The following ARSF variants were observed in gnomAD, a reference collection of about 807,000 sequenced individuals.
ARSF encodes arylsulfatase F.
In ARSF, 33 loss-of-function variants were observed where a neutral mutation model predicts 35.4. The ratio of observed to expected loss-of-function variants is 0.93; its 90% confidence interval spans 0.71 to 1.25. ARSF has a LOEUF of 1.25. Ranked by LOEUF, ARSF falls within the 50% of genes most tolerant of loss-of-function variation. ARSF has a pLI of 0.00. For synonymous variants in ARSF, 222 were observed against 193.1 expected (o/e 1.15, Z -1.24); for missense variants, 501 against 480.2 (o/e 1.04, Z -0.40).
chrX:3,069,474 C>T (rs2090087911), intron 2 of ARSF, among the ~76,000 whole-genome samples: 1 of 108,700 alleles, frequency 9.2e-6, no homozygotes, highest in Admixed American at 1.0e-4. Flanking sequence ...CAGGCATGCA[C>T]CACCACACCC....
upstream of ARSF, among the ~76,000 whole-genome samples, chrX:3,040,656 C>A (rs1292341178): frequency 9.0e-6 from 1 of 110,952 alleles, no homozygotes; most frequent in East Asian, 2.8e-4. Flanking sequence ...CCAAAAACCA[C>A]CCCTGGGTGG....
intron 5 of ARSF, among the ~76,000 whole-genome samples, chrX:3,083,608 A>G (rs1279130879): frequency 7.3e-5 from 8 of 109,767 alleles, no homozygotes; most frequent in Admixed American, 2.0e-4. Flanking sequence ...ATTATCTATC[A>G]TCTATCTTTC....
At chrX:3,103,688 C>G in intron 8 of ARSF, 74 bp from the exon 9 acceptor site, 2 of 1,131,190 alleles carry the variant, frequency 1.8e-6, no homozygotes, top group Non-Finnish European at 2.4e-6. Context: ...TACTAGCTTA[C>G]CTTTTAAATA....
intron 5 of ARSF, 90 bp from the exon 6 acceptor site, chrX:3,084,153 T>A: frequency 9.8e-7 from 1 of 1,021,481 alleles, no homozygotes; most frequent in Non-Finnish European, 1.3e-6. Context: ...AGCTGATTGT[T>A]TCACGTGAAG....
chrX:3,057,647 T>C (rs1158861741), intron 1 of ARSF, among the ~76,000 whole-genome samples: 1 of 112,033 alleles, frequency 8.9e-6, no homozygotes, highest in Admixed American at 9.5e-5. Context: ...ACAATTTCAC[T>C]TTATTTCCTA....
chrX:3,076,585 C>G lies in ARSF; in HGVS notation c.199C>G (p.Arg67Gly). 2.5e-6 allele frequency: 3 copies of G among 1,209,708 alleles called. No homozygotes were observed. Among genetic ancestry groups the G allele is most frequent in the Non-Finnish European group, 3.4e-6 (3 of 894,692 alleles). ...HIDRLAREGV[R>G]LTQHISAASL... ...CGACCGCCTTGCCAGGGAAGGCGTG[C>G]GACTGACTCAGCACATCTCTGCCGC... Residue 67 changes from arginine to glycine, a missense_variant, in exon 4 of 11, where the codon CGA (arginine) becomes GGA (glycine). Physicochemically the swap from Arg to Gly is moderately radical, Grantham distance 125. Transcript: ENST00000381127.
At chrX:3,082,861 A>G (rs1229343906) in intron 5 of ARSF, among the ~76,000 whole-genome samples, 1 of 110,941 alleles carries the variant, frequency 9.0e-6, no homozygotes, top group African/African-American at 3.3e-5. Flanking sequence ...GCATCTCTCT[A>G]TCTAATCACC....
At chrX:3,049,616 TTTTG>T (rs768579822) in intron 1 of ARSF, among the ~76,000 whole-genome samples, 80 of 111,800 alleles carry the variant, frequency 7.2e-4, no homozygotes, top group Admixed American at 5.0e-3. Context: ...TTTTGTTTTG[TTTTG>T]TTTGTTTGTT....
At chrX:3,062,740 C>T (rs2090047256) in intron 1 of ARSF, among the ~76,000 whole-genome samples, 1 of 111,479 alleles carries the variant, frequency 9.0e-6, no homozygotes, top group African/African-American at 3.3e-5. Flanking sequence ...TACACCCTCC[C>T]AAGACTAAAC....
At chrX:3,084,926 C>T (rs781504654) in intron 6 of ARSF, among the ~76,000 whole-genome samples, 18 of 111,325 alleles carry the variant, frequency 1.6e-4, no homozygotes, top group African/African-American at 5.5e-4. Context: ...TAAATTGTAA[C>T]GTGTACTCTT....
chrX:3,111,138 CTT>C (rs1164012790), intron 10 of ARSF, among the ~76,000 whole-genome samples: 6 of 89,217 alleles, frequency 6.7e-5, no homozygotes, highest in Admixed American at 2.6e-4. Context: ...TTCTTTCTTT[CTT>C]TTTTTTTTTT....
chrX:3,046,844 T>C (rs1176530228), intron 1 of ARSF, among the ~76,000 whole-genome samples: 2 of 111,249 alleles, frequency 1.8e-5, no homozygotes, highest in Non-Finnish European at 3.8e-5. Flanking sequence ...CAAGTAACTA[T>C]TAAACCCAGA....
intron 7 of ARSF, among the ~76,000 whole-genome samples, chrX:3,097,809 T>A (rs2090346666): frequency 2.7e-5 from 3 of 111,375 alleles, no homozygotes; most frequent in Non-Finnish European, 1.9e-5. Context: ...GGCAGGCAGA[T>A]CACCTGAGGT....
At chrX:3,099,312 A>G (rs2090360228) in intron 7 of ARSF, among the ~76,000 whole-genome samples, 1 of 111,476 alleles carries the variant, frequency 9.0e-6, no homozygotes, top group Non-Finnish European at 1.9e-5. Context: ...AGCAAAACCA[A>G]TGGACAAACA....
chrX:3,101,033 G>A, intron 7 of ARSF, 54 bp from the exon 8 acceptor site: 4 of 1,147,703 alleles, frequency 3.5e-6, no homozygotes, highest in Non-Finnish European at 4.7e-6. Flanking sequence ...TGACTTAGGG[G>A]TGAAATACCT....
At chrX:3,076,707 A>G (rs1421990145) in intron 4 of ARSF, 38 bp downstream of exon 4, 1 of 1,189,727 alleles carries the variant, frequency 8.4e-7, no homozygotes, top group South Asian at 1.9e-5. Flanking sequence ...CTCTGCCCTC[A>G]TGTTAGGATG....
chrX:3,083,071 TCTATCTATCTATTCATCTATC>T (rs1457829443), intron 5 of ARSF, among the ~76,000 whole-genome samples: 1 of 110,163 alleles, frequency 9.1e-6, no homozygotes, highest in Non-Finnish European at 1.9e-5. Context: ...ATCATATCTA[TCTATCTATCTATTCATCTATC>T]CTATCTATCT....
intron 1 of ARSF, among the ~76,000 whole-genome samples, chrX:3,056,875 A>T (rs7889612): frequency 0.06 from 6,681 of 110,918 alleles, 255 homozygotes; most frequent in African/African-American, 0.14. Flanking sequence ...TCAACCCAGG[A>T]TACATTAAGC....
intron 2 of ARSF, among the ~76,000 whole-genome samples, chrX:3,068,731 T>C (rs375379878): frequency 9.0e-6 from 1 of 111,535 alleles, no homozygotes; most frequent in South Asian, 3.8e-4. Context: ...CCCAGCCGTA[T>C]ACATGATTTT....
Sources: gnomAD v4.1 joint callset for allele counts (sites outside exome capture counted in the v4.1 genomes callset) on GRCh38, gnomAD v4.1.1 for gene constraint, MANE v1.5 for transcripts, NCBI Gene and HGNC (gene_info 2026-07-23, HGNC 2026-07-21) for gene names.